KCNIP4: variants seen among roughly 807,000 people sequenced by gnomAD.
KCNIP4 encodes the protein Kv channel-interacting protein 4.
A neutral mutation model predicts 34.0 loss-of-function variants in KCNIP4; 12 were observed. The ratio of observed to expected loss-of-function variants is 0.35; its 90% CI spans 0.23 to 0.57. The LOEUF (loss-of-function observed/expected upper bound fraction) is 0.57. Ranked by LOEUF, KCNIP4 falls within the 20% of genes least tolerant of loss-of-function variation. The pLI, the probability that KCNIP4 is intolerant of heterozygous loss-of-function variation, is 0.83. For missense variants in KCNIP4, 238 were observed against 311.7 expected (o/e 0.76, Z 1.78); for synonymous variants, 124 against 102.2 (o/e 1.21, Z -1.29).
chr4:20,924,182 G>T (rs569359131), intron 1 of KCNIP4, among the ~76,000 whole-genome samples: 1 of 152,242 alleles, frequency 6.6e-6, no homozygotes, highest in Non-Finnish European at 1.5e-5. Flanking sequence ...TTTGCACTTG[G>T]AGCCAAATTA....
At chr4:21,845,904 C>T (rs1723985010) in intron 1 of KCNIP4, 2 of 152,036 alleles carry the variant, frequency 1.3e-5, no homozygotes, top group African/African-American at 4.8e-5. Context: ...AAAGATTCTT[C>T]CCAACTGCAG....
chr4:21,165,449 CAAAAAAAAAAAAA>C (rs1161082468), intron 1 of KCNIP4, among the ~76,000 whole-genome samples: 2 of 620 alleles, frequency 3.2e-3, no homozygotes, highest in Non-Finnish European at 5.0e-3. Context: ...TTGAAAGCAT[CAAAAAAAAAAAAA>C]AAAAAAAAAA....
intron 1 of KCNIP4, among the ~76,000 whole-genome samples, chr4:21,834,533 T>C (rs1256749426): frequency 6.6e-6 from 1 of 152,206 alleles, no homozygotes; most frequent in Non-Finnish European, 1.5e-5. Context: ...TCATGTCGTC[T>C]GCAAACAGGG....
At chr4:21,210,805 A>G (rs755804801) in intron 1 of KCNIP4, among the ~76,000 whole-genome samples, 4 of 152,196 alleles carry the variant, frequency 2.6e-5, no homozygotes, top group Non-Finnish European at 5.9e-5. Context: ...TGAATTTCAA[A>G]TATGTAAAGA....
chr4:20,833,738 G>A (rs1203135683), intron 3 of KCNIP4, among the ~76,000 whole-genome samples: 9 of 152,060 alleles, frequency 5.9e-5, no homozygotes, highest in Admixed American at 5.9e-4. Flanking sequence ...CCCACACACA[G>A]TGCAGTTAAT....
At chr4:21,775,194 C>G (rs1719094303) in intron 1 of KCNIP4, among the ~76,000 whole-genome samples, 1 of 151,878 alleles carries the variant, frequency 6.6e-6, no homozygotes. Flanking sequence ...CTTTTTTGTT[C>G]TTCTTTCAAC....
chr4:21,811,915 T>G (rs924897395), intron 1 of KCNIP4, among the ~76,000 whole-genome samples: 119 of 152,306 alleles, frequency 7.8e-4, no homozygotes, highest in African/African-American at 2.8e-3. Context: ...CAGTTAATAG[T>G]GGAGGTTGCC....
intron 2 of KCNIP4, among the ~76,000 whole-genome samples, chr4:20,851,914 C>A (rs73242527): frequency 3.9e-5 from 6 of 151,904 alleles, no homozygotes; most frequent in Non-Finnish European, 5.9e-5. Flanking sequence ...ACTTGGGAGG[C>A]GGAGGTGGGA....
At chr4:21,528,396 T>C (rs932966086) in intron 1 of KCNIP4, among the ~76,000 whole-genome samples, 5 of 151,928 alleles carry the variant, frequency 3.3e-5, no homozygotes, top group African/African-American at 1.2e-4. Flanking sequence ...CAACCGGGCA[T>C]GGTGGCTCAT....
At chr4:21,725,032 T>C (rs1208010096) in intron 1 of KCNIP4, among the ~76,000 whole-genome samples, 1 of 152,138 alleles carries the variant, frequency 6.6e-6, no homozygotes, top group East Asian at 1.9e-4. Context: ...TGTCAAAATA[T>C]TCCATCTCTC....
At chr4:21,746,347 T>G (rs894031237) in intron 1 of KCNIP4, among the ~76,000 whole-genome samples, 4 of 152,132 alleles carry the variant, frequency 2.6e-5, no homozygotes, top group African/African-American at 9.7e-5. Context: ...ATATTACATT[T>G]GCTAATAAGT....
At chr4:21,792,595 A>T (rs1459403795) in intron 1 of KCNIP4, among the ~76,000 whole-genome samples, 10 of 152,238 alleles carry the variant, frequency 6.6e-5, no homozygotes, top group Non-Finnish European at 1.5e-5. Flanking sequence ...GAAGCCTGGC[A>T]CCAAGAGTGA....
At chr4:21,820,520 T>A (rs1032529836) in intron 1 of KCNIP4, among the ~76,000 whole-genome samples, 2 of 151,850 alleles carry the variant, frequency 1.3e-5, no homozygotes, top group Admixed American at 6.6e-5. Flanking sequence ...GGTCCCTGAA[T>A]TCAGCTGAAC....
chr4:21,327,958 C>G (rs1213761879), intron 1 of KCNIP4, among the ~76,000 whole-genome samples: 3 of 151,978 alleles, frequency 2.0e-5, no homozygotes, highest in Admixed American at 6.6e-5. Flanking sequence ...AATTCCTTCT[C>G]TGGGTTATCT....
chr4:21,762,834 T>C (rs1397338867), intron 1 of KCNIP4: 71 of 752,122 alleles, frequency 9.4e-5, no homozygotes, highest in Non-Finnish European at 1.2e-4. Context: ...ATGAAGAATG[T>C]GTATATATAA....
intron 1 of KCNIP4, among the ~76,000 whole-genome samples, chr4:21,092,421 C>T (rs1747075498): frequency 6.6e-6 from 1 of 152,130 alleles, no homozygotes; most frequent in African/African-American, 2.4e-5. Flanking sequence ...CAGATACAAT[C>T]CACTATAAGT....
rs528123961 is a variant in KCNIP4 at position 21,320,964 on chromosome 4, T to TAAAAAAAAAAAAAAAAAAAAAAAAAAA, written c.62-438256_62-438255insTTTTTTTTTTTTTTTTTTTTTTTTTTT. Among the ~76,000 whole-genome samples the TAAAAAAAAAAAAAAAAAAAAAAAAAAA allele has an allele frequency of 1.8e-3, 189 of 102,752 alleles. 8 individuals carry two copies. Among genetic ancestry groups the TAAAAAAAAAAAAAAAAAAAAAAAAAAA allele is most frequent in the Middle Eastern group, 5.4e-3 (1 of 186 alleles). 67.4% of individuals were successfully genotyped at this position (102,752 alleles called of 152,430 possible). ...TGGGCAATAGAGCAAGAATCTGTCT[T>TAAAAAAAAAAAAAAAAAAAAAAAAAAA]AAAAAAAAAAAAAAAAAAGAGGAAA... On this transcript the variant is annotated intron_variant, in intron 1 of 8. Transcript: ENST00000382152.
At chr4:21,717,860 T>C (rs1714505300) in intron 1 of KCNIP4, among the ~76,000 whole-genome samples, 1 of 152,166 alleles carries the variant, frequency 6.6e-6, no homozygotes, top group Admixed American at 6.6e-5. Context: ...TGATCGTCAC[T>C]TTTCTCTTTC....
intron 1 of KCNIP4, among the ~76,000 whole-genome samples, chr4:21,071,354 T>G (rs1047394137): frequency 6.6e-6 from 1 of 152,200 alleles, no homozygotes; most frequent in Non-Finnish European, 1.5e-5. Flanking sequence ...AGATTATTAT[T>G]CCTCCATTAA....
Sources: gnomAD v4.1 joint callset for allele counts (sites outside exome capture counted in the v4.1 genomes callset) on GRCh38, gnomAD v4.1.1 for gene constraint, MANE v1.5 for transcripts, NCBI Gene and HGNC (gene_info 2026-07-23, HGNC 2026-07-21) for gene names.